Variants in WBP1L observed in about 807,000 individuals in gnomAD.
The protein encoded by WBP1L is WW domain binding protein 1-like.
In WBP1L, 17 loss-of-function variants were observed where a neutral mutation model predicts 33.7. The ratio of observed to expected loss-of-function variants is 0.50; its 90% CI spans 0.34 to 0.76. The LOEUF is 0.76. Among genes scored for constraint, WBP1L ranks in the 30% least tolerant of loss-of-function variants. The pLI, the probability that WBP1L is intolerant of heterozygous loss-of-function variation, is 0.01. For synonymous variants in WBP1L, 173 were observed against 190.8 expected (o/e 0.91, Z 0.77); for missense variants, 389 against 469.4 (o/e 0.83, Z 1.58).
At position 102,757,928 on chromosome 10, in the gene WBP1L, C is replaced by CAGGCTGA. The variant is rs1186864209; in HGVS notation, c.90+13788_90+13794dup. ...TGAGACAGAGTCTCACTCTGTCACC[C>CAGGCTGA]AGGCTGAAGTGCAATGGCACGATCT... is the stretch of plus-strand genomic sequence containing the variant. On this transcript the variant is annotated intron_variant, in intron 1 of 3. Transcript: ENST00000448841. 9.4e-4 allele frequency among the ~76,000 whole-genome samples: 125 copies of CAGGCTGA among 133,294 alleles called. 1 individual carries two copies. The highest frequency in any genetic ancestry group is 3.4e-3 in the African/African-American group (120 of 35,690). The allele number at this position is 133,294 out of a possible 152,430, so 87.4% of individuals were successfully genotyped here. A position where few individuals can be genotyped will look rare whatever the true frequency, so the allele number is the denominator to read the frequency against.
intron 2 of WBP1L, among the ~76,000 whole-genome samples, chr10:102,807,794 A>G (rs1435221392): frequency 2.0e-5 from 3 of 151,916 alleles, no homozygotes; most frequent in African/African-American, 7.3e-5. Context: ...TTTTTTAATG[A>G]TTCATATTAT....
In WBP1L at chr10:102,798,021, A is replaced by G; in HGVS notation, c.119A>G (p.Asn40Ser). The change falls in exon 2 of 4, where the codon AAT becomes AGT. Residue 40 changes from asparagine (N) to serine (S), a missense_variant. Coordinates refer to ENST00000448841, the MANE Select transcript of WBP1L (RefSeq NM_001083913.2). ...AAGGAAGCCTGTGTGGGTACCAACAATCAAAGCTACATCTGTGACACAGGA... is the reference window on the plus strand; with the variant it reads ...AAGGAAGCCTGTGTGGGTACCAACAGTCAAAGCTACATCTGTGACACAGGA... Reference protein sequence around the residue: ...QDKEACVGTNNQSYICDTGHC... With the variant: ...QDKEACVGTNSQSYICDTGHC... 1.2e-6 allele frequency: 2 copies of G among 1,614,112 alleles called. No homozygotes were observed. The highest frequency in any genetic ancestry group is 2.2e-5 in the East Asian group (1 of 44,886).
At chr10:102,753,500 A>G (rs1026649280) in intron 1 of WBP1L, among the ~76,000 whole-genome samples, 2 of 152,192 alleles carry the variant, frequency 1.3e-5, no homozygotes, top group Admixed American at 1.3e-4. Context: ...AGCTTTCCTG[A>G]TCTGGGGATT....
At position 102,798,088 on chromosome 10, in the gene WBP1L, A is replaced by G; in HGVS notation, c.186A>G (p.Glu62=). The change falls in exon 2 of 4, where the codon GAA becomes GAG. Residue 62 remains glutamate, a synonymous_variant. Coordinates refer to ENST00000448841, the MANE Select transcript of WBP1L (RefSeq NM_001083913.2). ...GQSQCCNYYY[E]LWWFWLVWTI... ...CTCAGTGCTGCAACTACTACTATGAACTCTGGTGTAAGTCCTTGCTTGGGT... is the reference window on the plus strand; with the variant it reads ...CTCAGTGCTGCAACTACTACTATGAGCTCTGGTGTAAGTCCTTGCTTGGGT... 2 of 1,613,822 alleles carry G rather than the reference A, an allele frequency of 1.2e-6. No homozygotes were observed. Among genetic ancestry groups the G allele is most frequent in the Non-Finnish European group, 1.7e-6 (2 of 1,179,876 alleles).
intron 1 of WBP1L, among the ~76,000 whole-genome samples, chr10:102,761,690 T>G (rs916452744): frequency 2.6e-5 from 4 of 151,972 alleles, no homozygotes; most frequent in African/African-American, 9.7e-5. Flanking sequence ...TTTCCTGATC[T>G]CGTGATACAC....
intron 1 of WBP1L, among the ~76,000 whole-genome samples, chr10:102,785,810 C>A (rs189389920): frequency 6.6e-6 from 1 of 152,336 alleles, no homozygotes; most frequent in Admixed American, 6.5e-5. Context: ...TACTCTGTAG[C>A]AGAAGAGGCC....
intron 3 of WBP1L, among the ~76,000 whole-genome samples, 182 bp from the exon 4 acceptor site, chr10:102,812,413 C>CCT (rs1334746587): frequency 1.3e-5 from 2 of 152,050 alleles, no homozygotes; most frequent in African/African-American, 2.4e-5. Flanking sequence ...CCAAACTGCC[C>CCT]CTCTCTCTCT....
chr10:102,793,277 C>G (rs1409210097), intron 1 of WBP1L, among the ~76,000 whole-genome samples: 1 of 151,938 alleles, frequency 6.6e-6, no homozygotes, highest in African/African-American at 2.4e-5. Flanking sequence ...CCTGCCTCTA[C>G]CAAAAAAGTA....
chr10:102,777,688 C>T (rs1843285241), intron 1 of WBP1L, among the ~76,000 whole-genome samples: 1 of 150,588 alleles, frequency 6.6e-6, no homozygotes, highest in Non-Finnish European at 1.5e-5. Context: ...CCTCAGCCTC[C>T]TGAGTAGCTG....
Position 102,798,025 on chromosome 10 carries a change from A to G in WBP1L, c.123A>G (p.Gln41=), listed in dbSNP as rs1843597813. 2 of 1,614,128 alleles carry G rather than the reference A, an allele frequency of 1.2e-6. No homozygotes were observed. Among genetic ancestry groups the G allele is most frequent in the Non-Finnish European group, 1.7e-6 (2 of 1,180,012 alleles). ...DKEACVGTNN[Q]SYICDTGHCC... ...AAGCCTGTGTGGGTACCAACAATCAAAGCTACATCTGTGACACAGGACACT... is the reference window on the plus strand; with the variant it reads ...AAGCCTGTGTGGGTACCAACAATCAGAGCTACATCTGTGACACAGGACACT... The change falls in exon 2 of 4, where the codon CAA becomes CAG. Residue 41 remains glutamine (Q), a synonymous_variant. Coordinates refer to ENST00000448841, the MANE Select transcript of WBP1L (RefSeq NM_001083913.2).
intron 1 of WBP1L, among the ~76,000 whole-genome samples, chr10:102,770,080 GC>G (rs1843167573): frequency 6.6e-6 from 1 of 152,232 alleles, no homozygotes; most frequent in South Asian, 2.1e-4. Flanking sequence ...TAGTGTTTCT[GC>G]CTGGCAGAGT....
At chr10:102,752,796 G>C (rs1842937795) in intron 1 of WBP1L, among the ~76,000 whole-genome samples, 1 of 152,182 alleles carries the variant, frequency 6.6e-6, no homozygotes, top group African/African-American at 2.4e-5. Context: ...ATCATTAGGT[G>C]TTCTCAGGGT....
chr10:102,755,174 C>A (rs541672254), intron 1 of WBP1L, among the ~76,000 whole-genome samples: 2 of 151,946 alleles, frequency 1.3e-5, no homozygotes, highest in African/African-American at 4.8e-5. Context: ...GTCTTGAACC[C>A]CTGACCTTGT....
chr10:102,802,427 C>T (rs1297120151), intron 2 of WBP1L, among the ~76,000 whole-genome samples: 2 of 151,534 alleles, frequency 1.3e-5, no homozygotes, highest in Non-Finnish European at 2.9e-5. Flanking sequence ...TTAGCAAGAG[C>T]TCAGTAAATA....
chr10:102,813,258 C>CCT lies in WBP1L; in HGVS notation c.1020_1021insTC (p.Ala341SerfsTer6). ...GGGCACCCGCACCTGCCACGGCCGC[C>CCT]CGCATGCCTGCTGCTGAACACCATC... On this transcript the variant is annotated frameshift_variant, in exon 4 of 4. Coordinates refer to ENST00000448841, the MANE Select transcript of WBP1L (RefSeq NM_001083913.2). LOFTEE classifies it high-confidence loss of function. 6 of 1,613,106 alleles carry CCT rather than the reference C, an allele frequency of 3.7e-6. No homozygotes were observed. Among genetic ancestry groups the CCT allele is most frequent in the Non-Finnish European group, 5.1e-6 (6 of 1,179,996 alleles).
At chr10:102,766,814 A>G (rs1028935080) in intron 1 of WBP1L, among the ~76,000 whole-genome samples, 2 of 136,940 alleles carry the variant, frequency 1.5e-5, no homozygotes, top group Non-Finnish European at 3.1e-5. Context: ...CCTGAGCGAC[A>G]GAGCGAGACT....
At chr10:102,756,795 C>T (rs1049944892) in intron 1 of WBP1L, among the ~76,000 whole-genome samples, 1 of 151,916 alleles carries the variant, frequency 6.6e-6, no homozygotes, top group South Asian at 2.1e-4. Flanking sequence ...CAGGCCGGGT[C>T]CACTGGCTCA....
chr10:102,801,812 G>A (rs545580375), intron 2 of WBP1L, among the ~76,000 whole-genome samples: 12 of 151,984 alleles, frequency 7.9e-5, no homozygotes, highest in African/African-American at 2.2e-4. Context: ...TGCCCAACTC[G>A]TTTTTCATTT....
intron 1 of WBP1L, among the ~76,000 whole-genome samples, chr10:102,766,536 T>A (rs1163437255): frequency 6.6e-6 from 1 of 151,060 alleles, no homozygotes; most frequent in African/African-American, 2.4e-5. Flanking sequence ...GTGGGAGGAT[T>A]GCTTGTGCCT....
Sources: allele counts gnomAD v4.1 joint callset (sites outside exome capture counted in the v4.1 genomes callset), GRCh38; gene constraint gnomAD v4.1.1; transcripts MANE v1.5; gene names NCBI Gene and HGNC (gene_info 2026-07-23, HGNC 2026-07-21).